TPM1: variants seen among roughly 807,000 people sequenced by gnomAD.
The protein encoded by TPM1 is tropomyosin 1.
In TPM1, 24 loss-of-function variants were observed where a neutral mutation model predicts 42.9. That is an observed-to-expected ratio of 0.56 (90% CI 0.41 to 0.79). The LOEUF is 0.79. Ranked by LOEUF, TPM1 falls within the 30% of genes least tolerant of loss-of-function variation. The probability of loss-of-function intolerance (pLI) is 0.00; values close to 1 mark genes in which losing one functional copy is unlikely to be tolerated. For synonymous variants in TPM1, 136 were observed against 130.1 expected (o/e 1.05, Z -0.31); for missense variants, 158 against 351.8 (o/e 0.45, Z 4.41).
intron 8 of TPM1, 44 bp from the exon 9 acceptor site, chr15:63,064,020 C>G: frequency 1.9e-6 from 3 of 1,611,078 alleles, no homozygotes; most frequent in Non-Finnish European, 2.5e-6. Flanking sequence ...TTCTTGATCA[C>G]TCTCCATGTT....
Position 63,042,769 on chromosome 15 carries a change from C to G in TPM1, c.-61C>G. The G allele has an allele frequency of 6.9e-7, 1 of 1,459,848 alleles. No individual in the cohort carries two copies. Among genetic ancestry groups the G allele is most frequent in the Non-Finnish European group, 9.5e-7 (1 of 1,050,946 alleles). The allele number at this position is 1,459,848 out of a possible 1,614,324, so 90.4% of individuals were successfully genotyped here. On this transcript the variant is annotated 5_prime_UTR_variant, in exon 1 of 10. Transcript: ENST00000403994. ...CGCGCTCGCACTCCCGCTCCTCCGC[C>G]CGACCGCGCGCTCGCCCCGCCGCTC... is the stretch of plus-strand genomic sequence containing the variant.
At chr15:63,049,797 T>G (rs11071720) in intron 2 of TPM1, among the ~76,000 whole-genome samples, 2 of 151,982 alleles carry the variant, frequency 1.3e-5, no homozygotes, top group Non-Finnish European at 2.9e-5. Flanking sequence ...AGGAAATTAA[T>G]AGGCAAAAGA....
downstream of TPM1, chr15:63,069,923 C>G (rs762673645): frequency 1.2e-6 from 2 of 1,613,970 alleles, no homozygotes; most frequent in African/African-American, 2.7e-5. Flanking sequence ...TGAACTAAAG[C>G]TGGCCCTGAA....
intron 2 of TPM1, chr15:63,049,399 AAC>A (rs1412788372): frequency 6.6e-6 from 1 of 152,296 alleles, no homozygotes; most frequent in African/African-American, 2.4e-5. Context: ...GCGAAATGTC[AAC>A]AGTTATTGGG....
rs397516377 is a variant in TPM1 at position 63,060,949 on chromosome 15, C to T, written c.563+10C>T. 6.2e-7 allele frequency: 1 copy of T among 1,613,842 alleles called. No individual in the cohort carries two copies. Among genetic ancestry groups the T allele is most frequent in the Admixed American group, 1.7e-5 (1 of 60,022 alleles). ...CTGAGCTCTCAGAAGGGTAAGCGGGCCCGGCGCCAGGAGGCCACGAATGGG... is the reference window on the plus strand; with the variant it reads ...CTGAGCTCTCAGAAGGGTAAGCGGGTCCGGCGCCAGGAGGCCACGAATGGG... On this transcript the variant is annotated intron_variant, in intron 5 of 9. Coordinates refer to ENST00000403994, the MANE Select transcript of TPM1 (RefSeq NM_001018005.2).
intron 6 of TPM1, 180 bp from the exon 7 acceptor site, chr15:63,062,035 T>C (rs1160433531): frequency 8.5e-6 from 6 of 706,216 alleles, no homozygotes; most frequent in African/African-American, 3.5e-5. Flanking sequence ...TGTTATCCCA[T>C]GTAAAACAAT....
intron 1 of TPM1, chr15:63,043,320 G>A (rs2031589789): frequency 9.3e-6 from 5 of 537,650 alleles, no homozygotes; most frequent in East Asian, 4.4e-5. Context: ...TTAGAAGTTC[G>A]TTGACTTTTG....
chr15:63,070,097 G>A, downstream of TPM1: 1 of 1,520,054 alleles, frequency 6.6e-7, no homozygotes. Flanking sequence ...GGCCTTGCCT[G>A]CTTGTTTCTC....
intron 8 of TPM1, 164 bp downstream of exon 8, chr15:63,062,809 A>T: frequency 6.5e-7 from 1 of 1,540,752 alleles, no homozygotes; most frequent in Non-Finnish European, 8.7e-7. Context: ...TGAACTCATG[A>T]ACCTAAGTCT....
chr15:63,048,618 C>T (rs1441894910), intron 2 of TPM1: 2 of 1,535,552 alleles, frequency 1.3e-6, no homozygotes, highest in South Asian at 1.2e-5. Context: ...CAGGAAGATC[C>T]GGAGCCTGCA....
intron 8 of TPM1, 97 bp from the exon 9 acceptor site, chr15:63,063,967 C>T (rs2035980976): frequency 3.3e-6 from 5 of 1,532,588 alleles, no homozygotes; most frequent in Non-Finnish European, 4.4e-6. Flanking sequence ...TTTCTTGCTG[C>T]TGTGTTGGGA....
chr15:63,052,039 C>G (rs1467611642), intron 2 of TPM1, among the ~76,000 whole-genome samples: 1 of 151,896 alleles, frequency 6.6e-6, no homozygotes, highest in African/African-American at 2.4e-5. Context: ...TTGTAAGGCA[C>G]CTCAAGTACA....
chr15:63,061,040 G>A lies in TPM1; in HGVS notation c.563+101G>A, dbSNP rs531245837. 2.7e-5 allele frequency: 41 copies of A among 1,521,024 alleles called. 1 individual carries two copies. Among genetic ancestry groups the A allele is most frequent in the East Asian group, 1.4e-4 (6 of 43,750 alleles). 94.2% of individuals were successfully genotyped at this position (1,521,024 alleles called of 1,614,324 possible). On this transcript the variant is annotated intron_variant, in intron 5 of 9. Transcript: ENST00000403994. The stretch of plus-strand genomic sequence containing the variant: ...GCTGCACATTACCTGTTTCAGCTCC[G>A]GGCTCCTTTTGTGCTCATTTGATGT...
intron 9 of TPM1, chr15:63,065,399 G>C (rs2036164906): frequency 1.0e-6 from 1 of 997,148 alleles, no homozygotes; most frequent in Non-Finnish European, 1.2e-6. Context: ...GTAACTTGAA[G>C]AGAGTGGCAT....
intron 2 of TPM1, chr15:63,048,071 G>T (rs893763156): frequency 2.3e-4 from 81 of 358,922 alleles, no homozygotes; most frequent in Non-Finnish European, 3.8e-4. Context: ...CTCCAGACCC[G>T]CCGCTCAGCT....
chr15:63,062,163 A>C, intron 6 of TPM1, 52 bp from the exon 7 acceptor site: 1 of 1,539,532 alleles, frequency 6.5e-7, no homozygotes, highest in South Asian at 1.1e-5. Context: ...ATGAGAAGCC[A>C]TGAGTAGATT....
rs2036048450 is a variant in TPM1 at position 63,064,479 on chromosome 15, A to G, written c.851+337A>G. ...TAGAAGGCCATGCCGTTTGTTGTAC[A>G]GGAACTTCTCAAAAAATATCAAAAT... On this transcript the variant is annotated intron_variant, in intron 9 of 9. Transcript: ENST00000403994. 6.2e-6 allele frequency: 7 copies of G among 1,120,198 alleles called. No homozygotes were observed. In the South Asian group the frequency reaches 8.2e-5, roughly 13 times the overall value. The allele number at this position is 1,120,198 out of a possible 1,614,324, so 69.4% of individuals were successfully genotyped here. A position where few individuals can be genotyped will look rare whatever the true frequency, so the allele number is the denominator to read the frequency against.
intron 2 of TPM1, chr15:63,048,461 G>T (rs2032974104): frequency 2.9e-6 from 4 of 1,382,824 alleles, no homozygotes; most frequent in Non-Finnish European, 3.7e-6. Context: ...GCACAGAGAG[G>T]CCTGGGCGGG....
intron 2 of TPM1, chr15:63,048,584 G>C (rs1168946600): frequency 3.3e-6 from 5 of 1,529,582 alleles, no homozygotes; most frequent in Admixed American, 4.0e-5. Flanking sequence ...CGATGGCGGG[G>C]AGTAGCTCGC....
Sources: gnomAD v4.1 joint callset for allele counts (sites outside exome capture counted in the v4.1 genomes callset) on GRCh38, gnomAD v4.1.1 for gene constraint, MANE v1.5 for transcripts, NCBI Gene and HGNC (gene_info 2026-07-23, HGNC 2026-07-21) for gene names.